CLSTN2: variants seen among roughly 807,000 people sequenced by gnomAD.
CLSTN2 encodes the protein calsyntenin 2, also known as calsyntenin-2.
Under a neutral mutation model 101.2 loss-of-function variants are expected in CLSTN2, and 48 were observed. The observed-to-expected ratio is 0.47, with a 90% CI of 0.38 to 0.60. The LOEUF is 0.60. Among genes scored for constraint, CLSTN2 ranks in the 20% least tolerant of loss-of-function variants. CLSTN2 has a pLI of 0.00. For synonymous variants in CLSTN2, 481 were observed against 463.6 expected (o/e 1.04, Z -0.48); for missense variants, 1,160 against 1,238.2 (o/e 0.94, Z 0.95).
intron 8 of CLSTN2, 102 bp downstream of exon 8, chr3:140,466,833 C>T: frequency 6.7e-7 from 1 of 1,496,200 alleles, no homozygotes; most frequent in Non-Finnish European, 9.0e-7. Context: ...AGGTCCTGAC[C>T]ACTTGCTGAA....
intron 1 of CLSTN2, among the ~76,000 whole-genome samples, chr3:140,168,198 G>A (rs1376353949): frequency 3.9e-5 from 6 of 152,076 alleles, no homozygotes; most frequent in Admixed American, 3.9e-4. Flanking sequence ...ACTTGATATT[G>A]TCAGTTTTAT....
chr3:139,989,404 A>C (rs1271174891), intron 1 of CLSTN2, among the ~76,000 whole-genome samples: 7 of 151,150 alleles, frequency 4.6e-5, no homozygotes, highest in African/African-American at 1.7e-4. Context: ...TTCACTCCCT[A>C]CTCCAGATTG....
intron 9 of CLSTN2, among the ~76,000 whole-genome samples, chr3:140,537,640 C>T (rs1260498516): frequency 1.3e-5 from 2 of 152,190 alleles, no homozygotes; most frequent in East Asian, 1.9e-4. Context: ...GAGTCAGATC[C>T]TCCTGGCTTT....
chr3:140,156,838 C>T (rs1343913388), intron 1 of CLSTN2, among the ~76,000 whole-genome samples: 1 of 152,214 alleles, frequency 6.6e-6, no homozygotes, highest in African/African-American at 2.4e-5. Flanking sequence ...TCAGACGTTT[C>T]TGGCTCCCTC....
intron 10 of CLSTN2, among the ~76,000 whole-genome samples, chr3:140,553,330 T>C (rs576222215): frequency 6.6e-6 from 1 of 151,764 alleles, no homozygotes; most frequent in Non-Finnish European, 1.5e-5. Context: ...AAACTTTATA[T>C]ATATTATCTC....
At chr3:140,032,328 A>G (rs571322353) in intron 1 of CLSTN2, among the ~76,000 whole-genome samples, 84 of 148,594 alleles carry the variant, frequency 5.7e-4, no homozygotes, top group African/African-American at 2.0e-3. Flanking sequence ...AGGGCTAACA[A>G]GTACTTTTTT....
chr3:139,993,764 G>A (rs1408522213), intron 1 of CLSTN2, among the ~76,000 whole-genome samples: 3 of 152,108 alleles, frequency 2.0e-5, no homozygotes, highest in Non-Finnish European at 4.4e-5. Flanking sequence ...ACATGACTTT[G>A]GGCCAGTTTG....
chr3:140,550,959 C>T (rs991979463), intron 10 of CLSTN2, among the ~76,000 whole-genome samples: 42 of 151,826 alleles, frequency 2.8e-4, no homozygotes, highest in African/African-American at 7.5e-4. Flanking sequence ...GTTAATAAGA[C>T]GCCCAATTTA....
intron 1 of CLSTN2, among the ~76,000 whole-genome samples, chr3:140,164,099 A>G (rs1192103344): frequency 6.6e-6 from 1 of 152,158 alleles, no homozygotes; most frequent in Non-Finnish European, 1.5e-5. Flanking sequence ...ATTTTGTGTA[A>G]AAAATGAGCT....
At chr3:140,172,964 C>T (rs1345645708) in intron 1 of CLSTN2, among the ~76,000 whole-genome samples, 1 of 152,148 alleles carries the variant, frequency 6.6e-6, no homozygotes, top group East Asian at 1.9e-4. Context: ...CCATATCATT[C>T]TTTCCCTAGC....
intron 2 of CLSTN2, among the ~76,000 whole-genome samples, chr3:140,367,609 C>T (rs1027088591): frequency 6.6e-6 from 1 of 150,892 alleles, no homozygotes; most frequent in African/African-American, 2.4e-5. Context: ...TATTTTACTT[C>T]TAGCACCTAC....
At chr3:139,963,332 T>C (rs574148964) in intron 1 of CLSTN2, among the ~76,000 whole-genome samples, 14 of 151,736 alleles carry the variant, frequency 9.2e-5, no homozygotes, top group Non-Finnish European at 1.6e-4. Context: ...TTCAGCTTTT[T>C]TCTCTCTCTC....
At chr3:140,348,277 T>A (rs977478477) in intron 2 of CLSTN2, among the ~76,000 whole-genome samples, 1 of 152,210 alleles carries the variant, frequency 6.6e-6, no homozygotes, top group African/African-American at 2.4e-5. Context: ...TTCTAGAGCC[T>A]CATTTCTTCG....
chr3:140,019,993 G>A (rs945122250), intron 1 of CLSTN2, among the ~76,000 whole-genome samples: 26 of 152,138 alleles, frequency 1.7e-4, no homozygotes, highest in African/African-American at 5.3e-4. Context: ...GCCTTCTGTG[G>A]GAGATGCCCA....
intron 1 of CLSTN2, among the ~76,000 whole-genome samples, chr3:140,121,261 C>A (rs2009335499): frequency 6.6e-6 from 1 of 152,100 alleles, no homozygotes; most frequent in South Asian, 2.1e-4. Context: ...CCAGAGTGTA[C>A]CACGGGAAGA....
intron 2 of CLSTN2, among the ~76,000 whole-genome samples, chr3:140,283,028 A>T (rs1016127709): frequency 6.6e-6 from 1 of 152,168 alleles, no homozygotes; most frequent in Non-Finnish European, 1.5e-5. Flanking sequence ...GGGGCTGCTC[A>T]TGGAGCTGGG....
intron 2 of CLSTN2, among the ~76,000 whole-genome samples, chr3:140,332,156 C>G (rs1269551896): frequency 1.3e-5 from 2 of 152,114 alleles, no homozygotes; most frequent in African/African-American, 4.8e-5. Context: ...GAGGCAGTGA[C>G]AGATGATTAC....
At chr3:140,138,287 G>A (rs150999243) in intron 1 of CLSTN2, among the ~76,000 whole-genome samples, 1 of 152,252 alleles carries the variant, frequency 6.6e-6, no homozygotes, top group East Asian at 1.9e-4. Context: ...AAAAAGGGGG[G>A]GAAGAACAAC....
intron 8 of CLSTN2, among the ~76,000 whole-genome samples, chr3:140,524,344 C>T (rs914924067): frequency 6.6e-6 from 1 of 152,162 alleles, no homozygotes; most frequent in African/African-American, 2.4e-5. Context: ...TGGAAGTGAG[C>T]ATGTGAAGCT....
Sources: gnomAD v4.1 joint callset for allele counts (sites outside exome capture counted in the v4.1 genomes callset) on GRCh38, gnomAD v4.1.1 for gene constraint, MANE v1.5 for transcripts, NCBI Gene and HGNC (gene_info 2026-07-23, HGNC 2026-07-21) for gene names.